PCDHGA2: variants seen among roughly 807,000 people sequenced by gnomAD.
PCDHGA2 encodes protocadherin gamma-A2.
A neutral mutation model predicts 59.2 loss-of-function variants in PCDHGA2; 40 were observed. The ratio of observed to expected loss-of-function variants is 0.68; its 90% CI spans 0.52 to 0.88. The LOEUF (loss-of-function observed/expected upper bound fraction) is 0.88. PCDHGA2 is among the 40% of genes least tolerant of loss of function. PCDHGA2 has a pLI of 0.00. For synonymous variants in PCDHGA2, 560 were observed against 526.0 expected (o/e 1.06, Z -0.89); for missense variants, 1,226 against 1,204.0 (o/e 1.02, Z -0.27).
intron 1 of PCDHGA2, chr5:141,391,093 C>A (rs1473023690): frequency 6.6e-6 from 1 of 152,148 alleles, no homozygotes; most frequent in Non-Finnish European, 1.5e-5. Flanking sequence ...GCCTTATCTG[C>A]AGCCCTAAAC....
chr5:141,413,111 AG>A lies in PCDHGA2; in HGVS notation c.2424+71718del, dbSNP rs962952666. ...ACACCCTGAAGCCACAGAAAGACAA[AG>A]GAACCGGTTGAAACACACAACGTGT... On this transcript the variant is annotated intron_variant, in intron 1 of 3. Transcript: ENST00000394576. 4.7e-6 allele frequency: 7 copies of A among 1,499,852 alleles called. No individual in the cohort carries two copies. In the African/African-American group the frequency reaches 8.4e-5, roughly 18 times the overall value. 92.9% of individuals were successfully genotyped at this position (1,499,852 alleles called of 1,614,324 possible). A position where few individuals can be genotyped will look rare whatever the true frequency, so the allele number is the denominator to read the frequency against.
At position 141,340,350 on chromosome 5, in the gene PCDHGA2, A is replaced by G. The variant is rs1756935508; in HGVS notation, c.1379A>G (p.Tyr460Cys). The change falls in exon 1 of 4, where the codon TAC (tyrosine) becomes TGC (cysteine). Residue 460 changes from tyrosine (Y) to cysteine (C), a missense_variant. Physicochemically the swap from Tyr to Cys is radical, Grantham distance 194 (BLOSUM62 -2). Coordinates refer to ENST00000394576, the MANE Select transcript of PCDHGA2 (RefSeq NM_018915.4). Reference protein sequence around the residue: ...PAFSRTSYSTYIPENNPRGAS... With the variant: ...PAFSRTSYSTCIPENNPRGAS... ...TTCTCCCGCACATCCTACTCCACCT[A>G]CATTCCCGAAAACAACCCCAGAGGA... 18 of 1,614,102 alleles carry G rather than the reference A, an allele frequency of 1.1e-5. No individual in the cohort carries two copies. Among genetic ancestry groups the G allele is most frequent in the Non-Finnish European group, 1.5e-5 (18 of 1,180,016 alleles).
intron 1 of PCDHGA2, among the ~76,000 whole-genome samples, chr5:141,472,136 A>T (rs1172420221): frequency 1.1e-4 from 17 of 152,262 alleles, no homozygotes; most frequent in Non-Finnish European, 2.5e-4. Flanking sequence ...AGTTAAAAAT[A>T]AAAGTTTCAT....
At chr5:141,437,032 C>T (rs2097859215) in intron 1 of PCDHGA2, among the ~76,000 whole-genome samples, 1 of 152,182 alleles carries the variant, frequency 6.6e-6, no homozygotes, top group Admixed American at 6.5e-5. Context: ...GAAAATGGAT[C>T]ACCGAAACCA....
chr5:141,394,608 G>A lies in PCDHGA2; in HGVS notation c.2424+53213G>A, dbSNP rs749049825. 15 of 1,613,420 alleles carry A rather than the reference G, an allele frequency of 9.3e-6. No homozygotes were observed. The African/African-American group carries it at 1.9e-4, about 20-fold the overall frequency. ...GGTGGTGGCGGTGGACAGAGACTCGGGCCAGAACGCCTGGCTGTCCTACCG... is the reference window on the plus strand; with the variant it reads ...GGTGGTGGCGGTGGACAGAGACTCGAGCCAGAACGCCTGGCTGTCCTACCG... On this transcript the variant is annotated intron_variant, in intron 1 of 3. Transcript: ENST00000394576.
intron 1 of PCDHGA2, among the ~76,000 whole-genome samples, chr5:141,379,866 T>A (rs1199183265): frequency 1.3e-5 from 2 of 149,428 alleles, no homozygotes; most frequent in Non-Finnish European, 3.0e-5. Context: ...GTCTTATTCT[T>A]ATTTTATGGT....
intron 1 of PCDHGA2, among the ~76,000 whole-genome samples, chr5:141,481,095 C>T (rs1456056389): frequency 1.3e-5 from 2 of 152,120 alleles, no homozygotes; most frequent in African/African-American, 2.4e-5. Context: ...AAAAGCAGTA[C>T]TCTGGAACCT....
chr5:141,389,249 T>A, intron 1 of PCDHGA2: 1 of 1,614,064 alleles, frequency 6.2e-7, no homozygotes, highest in Non-Finnish European at 8.5e-7. Flanking sequence ...AGTCTTCCTA[T>A]ATAGTCCACG....
chr5:141,470,627 G>A (rs977900352), intron 1 of PCDHGA2, among the ~76,000 whole-genome samples: 3 of 152,154 alleles, frequency 2.0e-5, no homozygotes, highest in Non-Finnish European at 2.9e-5. Flanking sequence ...TGCTTAGATA[G>A]GCCCCCTTGC....
intron 1 of PCDHGA2, chr5:141,383,629 C>G: frequency 6.2e-7 from 1 of 1,613,960 alleles, no homozygotes; most frequent in Non-Finnish European, 8.5e-7. Context: ...TGTCTTCTCT[C>G]TGCCTCAGTA....
At position 141,345,575 on chromosome 5, in the gene PCDHGA2, A is replaced by G. The variant is rs367782477; in HGVS notation, c.2424+4180A>G. ...CTATCAACTCCAACACTGGCGTCCT[A>G]TACGCGCTGAGATCCTTCGACTACG... is the stretch of plus-strand genomic sequence containing the variant. On this transcript the variant is annotated intron_variant, in intron 1 of 3. Transcript: ENST00000394576. 5.6e-6 allele frequency: 9 copies of G among 1,614,058 alleles called. 1 individual carries two copies. The highest frequency in any genetic ancestry group is 5.3e-5 in the African/African-American group (4 of 74,912).
chr5:141,451,314 G>A (rs1286009420), intron 1 of PCDHGA2, among the ~76,000 whole-genome samples: 1 of 152,218 alleles, frequency 6.6e-6, no homozygotes, highest in Non-Finnish European at 1.5e-5. Context: ...AGCAATTAAA[G>A]TGTCACCTAA....
chr5:141,386,365 A>G (rs1014338903), intron 1 of PCDHGA2, among the ~76,000 whole-genome samples: 2 of 152,278 alleles, frequency 1.3e-5, no homozygotes. Flanking sequence ...GATTCCAGAG[A>G]CCTTTGAGTA....
At chr5:141,366,305 A>C in intron 1 of PCDHGA2, 2 of 1,613,708 alleles carry the variant, frequency 1.2e-6, no homozygotes, top group South Asian at 1.1e-5. Flanking sequence ...AGCCACCTTC[A>C]CGGTCACCGT....
intron 1 of PCDHGA2, among the ~76,000 whole-genome samples, chr5:141,369,779 C>G (rs2149951458): frequency 6.6e-6 from 1 of 152,242 alleles, no homozygotes; most frequent in South Asian, 2.1e-4. Flanking sequence ...TATTTCAAGC[C>G]TCTTTATACT....
At chr5:141,471,095 C>T (rs1266802067) in intron 1 of PCDHGA2, among the ~76,000 whole-genome samples, 1 of 144,764 alleles carries the variant, frequency 6.9e-6, no homozygotes, top group East Asian at 2.0e-4. Context: ...GTTGTCCAGG[C>T]TAGAGTGCAG....
At position 141,366,621 on chromosome 5, in the gene PCDHGA2, G is replaced by A. The variant is rs773330182; in HGVS notation, c.2424+25226G>A. 5.6e-6 allele frequency: 9 copies of A among 1,614,110 alleles called. No individual in the cohort carries two copies. The African/African-American group carries it at 8.0e-5, about 14-fold the overall frequency. On this transcript the variant is annotated intron_variant, in intron 1 of 3. Transcript: ENST00000394576. ...GAGGTCTCCCTCACCGCGGACTCGA[G>A]GAAGAGTCACCTGATCTTTCCCCAG...
chr5:141,369,151 T>C (rs1013865524), intron 1 of PCDHGA2, among the ~76,000 whole-genome samples: 6 of 152,206 alleles, frequency 3.9e-5, no homozygotes, highest in African/African-American at 1.4e-4. Context: ...GGCATGTTAT[T>C]GACCAGGGAA....
intron 1 of PCDHGA2, chr5:141,390,457 G>T: frequency 1.3e-6 from 1 of 767,062 alleles, no homozygotes; most frequent in South Asian, 1.9e-5. Flanking sequence ...GAGTAAAGTA[G>T]GAGCAATTGT....
Sources: gnomAD v4.1 joint callset for allele counts (sites outside exome capture counted in the v4.1 genomes callset) on GRCh38, gnomAD v4.1.1 for gene constraint, MANE v1.5 for transcripts, NCBI Gene and HGNC (gene_info 2026-07-23, HGNC 2026-07-21) for gene names.